Variants in ARHGEF4 observed in about 807,000 individuals in gnomAD.
The protein encoded by ARHGEF4 is APC-stimulated guanine nucleotide exchange factor 1.
Under a neutral mutation model 162.0 loss-of-function variants are expected in ARHGEF4, and 119 were observed. The observed-to-expected ratio is 0.73, with a 90% confidence interval of 0.63 to 0.86. The LOEUF (loss-of-function observed/expected upper bound fraction) is 0.86, where lower values mean the gene tolerates loss of function less well. Among genes scored for constraint, ARHGEF4 ranks in the 40% least tolerant of loss-of-function variants. The pLI is 0.00. For missense variants in ARHGEF4, 2,488 were observed against 2,456.0 expected (o/e 1.01, Z -0.28); for synonymous variants, 1,014 against 979.9 (o/e 1.03, Z -0.65).
intron 4 of ARHGEF4, among the ~76,000 whole-genome samples, chr2:130,957,425 T>A (rs1262968576): frequency 1.3e-5 from 2 of 152,138 alleles, no homozygotes; most frequent in Non-Finnish European, 2.9e-5. Flanking sequence ...AAAGACAAAT[T>A]TATAGAGACA....
intron 1 of ARHGEF4, among the ~76,000 whole-genome samples, chr2:130,884,769 C>T (rs1679406432): frequency 6.6e-6 from 1 of 152,074 alleles, no homozygotes; most frequent in African/African-American, 2.4e-5. Context: ...ATTTTGTTTC[C>T]AGGGCCAGCA....
At chr2:130,866,870 C>T (rs1362171813) in intron 1 of ARHGEF4, among the ~76,000 whole-genome samples, 1 of 152,136 alleles carries the variant, frequency 6.6e-6, no homozygotes, top group Non-Finnish European at 1.5e-5. Flanking sequence ...TTTTGTAATG[C>T]TGGCCTCCTG....
chr2:131,038,316 C>G (rs1690457347), intron 5 of ARHGEF4, among the ~76,000 whole-genome samples: 1 of 147,886 alleles, frequency 6.8e-6, no homozygotes, highest in South Asian at 2.2e-4. Context: ...CAGCGCCCAG[C>G]CCCTCCCTCC....
chr2:130,850,719 G>A (rs1193266747), intron 1 of ARHGEF4, among the ~76,000 whole-genome samples: 2 of 152,198 alleles, frequency 1.3e-5, no homozygotes, highest in African/African-American at 4.8e-5. Flanking sequence ...CCTCGTGATG[G>A]GGCCTCCCTC....
intron 4 of ARHGEF4, among the ~76,000 whole-genome samples, chr2:130,966,684 C>T (rs1397268703): frequency 2.0e-5 from 3 of 152,130 alleles, no homozygotes; most frequent in African/African-American, 4.8e-5. Flanking sequence ...TCCGGTGGTG[C>T]GTTGGAATAG....
At chr2:131,013,705 A>G (rs974397385) in intron 4 of ARHGEF4, among the ~76,000 whole-genome samples, 1 of 152,254 alleles carries the variant, frequency 6.6e-6, no homozygotes, top group Non-Finnish European at 1.5e-5. Context: ...GATTAAAGCA[A>G]TTCTCCCACC....
chr2:131,038,835 C>G lies in ARHGEF4; in HGVS notation c.4126-18C>G. ...CAGCCTCCCCCACTGACCCGCCTGC[C>G]CGTGGCTCTCTCGGCAGCTCATCAG... is the stretch of plus-strand genomic sequence containing the variant. On this transcript the variant is annotated intron_variant, in intron 5 of 13. Coordinates refer to ENST00000409359, the MANE Select transcript of ARHGEF4 (RefSeq NM_001367493.1). The G allele has an allele frequency of 6.3e-7, 1 of 1,591,572 alleles. No homozygotes were observed. Among genetic ancestry groups the G allele is most frequent in the Non-Finnish European group, 8.6e-7 (1 of 1,166,746 alleles).
chr2:130,996,496 TC>T (rs1687402770), intron 4 of ARHGEF4, among the ~76,000 whole-genome samples: 1 of 152,240 alleles, frequency 6.6e-6, no homozygotes, highest in Admixed American at 6.5e-5. Flanking sequence ...GTCCTTTGAT[TC>T]TCTCTGTAGT....
At chr2:130,913,241 G>A (rs1681299443) in intron 1 of ARHGEF4, among the ~76,000 whole-genome samples, 1 of 152,206 alleles carries the variant, frequency 6.6e-6, no homozygotes, top group Admixed American at 6.5e-5. Context: ...GAGGGGCAGG[G>A]CCTTTTTGGG....
At chr2:130,989,029 T>G (rs1326544466) in intron 4 of ARHGEF4, among the ~76,000 whole-genome samples, 1 of 152,098 alleles carries the variant, frequency 6.6e-6, no homozygotes, top group African/African-American at 2.4e-5. Flanking sequence ...TGGCACGATC[T>G]TGGCTCACTG....
intron 5 of ARHGEF4, among the ~76,000 whole-genome samples, chr2:131,028,436 G>A (rs533232209): frequency 6.6e-6 from 1 of 152,306 alleles, no homozygotes; most frequent in South Asian, 2.1e-4. Flanking sequence ...AGTCACTCCA[G>A]CCCCTGACCC....
chr2:130,916,631 A>G lies in ARHGEF4; in HGVS notation c.2685A>G (p.Ala895=). Residue 895 remains alanine, a synonymous_variant, in exon 2 of 14, where the codon GCA becomes GCG. Coordinates refer to ENST00000409359, the MANE Select transcript of ARHGEF4 (RefSeq NM_001367493.1). Reference sequence around the variant, plus strand: ...GGCCTTCCTCTGAGAGCTGCAACGCAAAGAGACTCAAAACAACGGAGAAAA... The same window carrying G: ...GGCCTTCCTCTGAGAGCTGCAACGCGAAGAGACTCAAAACAACGGAGAAAA... ...SRGPSSESCN[A]KRLKTTEKKL... The G allele has an allele frequency of 6.4e-7, 1 of 1,550,596 alleles. No individual in the cohort carries two copies. The highest frequency in any genetic ancestry group is 8.7e-7 in the Non-Finnish European group (1 of 1,146,986).
chr2:130,850,152 G>A (rs1681299378), intron 1 of ARHGEF4, among the ~76,000 whole-genome samples: 2 of 152,280 alleles, frequency 1.3e-5, no homozygotes, highest in Admixed American at 6.5e-5. Context: ...CGTTTCTAGG[G>A]CATCCTCAGA....
chr2:130,856,197 G>A (rs118125667), intron 1 of ARHGEF4, among the ~76,000 whole-genome samples: 2 of 152,106 alleles, frequency 1.3e-5, no homozygotes, highest in African/African-American at 2.4e-5. Context: ...AAAATATAAC[G>A]ACCAAATAGA....
In ARHGEF4 at chr2:130,917,171, C is replaced by T. The variant is rs1681551913; in HGVS notation, c.3225C>T (p.Ala1075=). ...CACACACCCTGCCTTCCAGCTCTGC[C>T]TGCTGCCTGGCATATGAAAACCCCG... ...GIAHTLPSSS[A]CCLAYENPGT... is the part of the protein sequence containing the mutation. Residue 1075 remains alanine, a synonymous_variant, in exon 2 of 14, where the codon GCC becomes GCT. Coordinates refer to ENST00000409359, the MANE Select transcript of ARHGEF4 (RefSeq NM_001367493.1). The T allele has an allele frequency of 3.9e-6, 6 of 1,550,560 alleles. No individual in the cohort carries two copies. Among genetic ancestry groups the T allele is most frequent in the Non-Finnish European group, 5.2e-6 (6 of 1,146,992 alleles).
chr2:130,964,460 C>T (rs758841246), intron 4 of ARHGEF4, among the ~76,000 whole-genome samples: 3 of 152,232 alleles, frequency 2.0e-5, no homozygotes, highest in Non-Finnish European at 4.4e-5. Context: ...TCTCTCTGAT[C>T]CACGTCTACC....
chr2:130,849,976 G>C (rs1681285566), intron 1 of ARHGEF4, among the ~76,000 whole-genome samples: 1 of 152,236 alleles, frequency 6.6e-6, no homozygotes, highest in Admixed American at 6.5e-5. Context: ...AGCTCTCCTT[G>C]ACTTAGTGGC....
intron 4 of ARHGEF4, among the ~76,000 whole-genome samples, chr2:130,991,191 TGA>T (rs1686929882): frequency 6.6e-6 from 1 of 152,256 alleles, no homozygotes; most frequent in Admixed American, 6.5e-5. Context: ...TTTAAAGCAA[TGA>T]GAGAGATGTA....
At chr2:130,966,364 C>A (rs965197419) in intron 4 of ARHGEF4, among the ~76,000 whole-genome samples, 1 of 152,156 alleles carries the variant, frequency 6.6e-6, no homozygotes, top group Non-Finnish European at 1.5e-5. Context: ...TATTTCCTGT[C>A]CCTGGGAGGA....
Sources: gnomAD v4.1 joint callset for allele counts (sites outside exome capture counted in the v4.1 genomes callset) on GRCh38, gnomAD v4.1.1 for gene constraint, MANE v1.5 for transcripts, NCBI Gene and HGNC (gene_info 2026-07-23, HGNC 2026-07-21) for gene names.